The following SBSPON variants were observed in gnomAD, a reference collection of about 807,000 sequenced individuals.
The protein encoded by SBSPON is somatomedin-B and thrombospondin type-1 domain-containing protein.
In SBSPON, 30 loss-of-function variants were observed where a neutral mutation model predicts 35.8. The observed-to-expected ratio is 0.84, with a 90% CI of 0.63 to 1.14. The LOEUF is 1.14. SBSPON is among the 50% of genes most tolerant of loss of function. The pLI is 0.00. For synonymous variants in SBSPON, 136 were observed against 135.9 expected, an observed-to-expected ratio of 1.00 and a Z score of 0.00; for missense variants, 364 against 357.7, an observed-to-expected ratio of 1.02 and a Z score of -0.14.
At chr8:73,091,492 A>G (rs1320842893) in intron 1 of SBSPON, among the ~76,000 whole-genome samples, 2 of 152,104 alleles carry the variant, frequency 1.3e-5, no homozygotes, top group Admixed American at 6.5e-5. Flanking sequence ...TTCCATAATT[A>G]CCTTTAAAAT....
chr8:73,087,831 A>G (rs116273839), intron 1 of SBSPON, among the ~76,000 whole-genome samples: 1,618 of 152,320 alleles, frequency 0.011, 25 homozygotes, highest in African/African-American at 0.037. Context: ...TAATGCAACT[A>G]CTGTTCTATG....
chr8:73,084,810 T>C (rs1387837045), intron 1 of SBSPON, among the ~76,000 whole-genome samples: 11 of 150,112 alleles, frequency 7.3e-5, no homozygotes, highest in African/African-American at 2.5e-4. Context: ...TTATTTCCTC[T>C]CAGAGCTTGG....
intron 3 of SBSPON, among the ~76,000 whole-genome samples, chr8:73,071,306 G>T (rs906268669): frequency 6.6e-6 from 1 of 152,202 alleles, no homozygotes; most frequent in South Asian, 2.1e-4. Flanking sequence ...GTGGGGACCT[G>T]AGCGTGCAGC....
chr8:73,084,408 C>T (rs1231636073), intron 1 of SBSPON, among the ~76,000 whole-genome samples: 1 of 152,210 alleles, frequency 6.6e-6, no homozygotes, highest in African/African-American at 2.4e-5. Flanking sequence ...TAAACTCCCT[C>T]ATTTCCTTTG....
In SBSPON at chr8:73,070,640, G is replaced by A. The variant is rs73687077; in HGVS notation, c.501-659C>T. Among the ~76,000 whole-genome samples, 1,052 of 152,268 alleles carry A rather than the reference G, an allele frequency of 6.9e-3. 7 individuals are homozygous for A. Among genetic ancestry groups the A allele is most frequent in the African/African-American group, 0.023 (967 of 41,536 alleles). On this transcript the variant is annotated intron_variant, in intron 3 of 4. Transcript: ENST00000297354. The stretch of plus-strand genomic sequence containing the variant: ...TTAGTGTCACCTTAAACTGAGCTGC[G>A]GAAAACTCTAACATTATATGTGACT...
intron 3 of SBSPON, 63 bp from the exon 4 acceptor site, chr8:73,070,044 G>T: frequency 9.1e-7 from 1 of 1,103,388 alleles, no homozygotes; most frequent in Non-Finnish European, 1.3e-6. Flanking sequence ...GCTGTAGAAA[G>T]TCTTAGAAAG....
At chr8:73,080,942 A>ATATG (rs1220646682) in intron 2 of SBSPON, 77 bp downstream of exon 2, 3 of 1,330,242 alleles carry the variant, frequency 2.3e-6, no homozygotes, top group African/African-American at 1.5e-5. Context: ...CCTGCACAGC[A>ATATG]TATGGCCTTT....
intron 2 of SBSPON, chr8:73,074,469 G>T: frequency 5.9e-6 from 2 of 339,516 alleles, no homozygotes; most frequent in Non-Finnish European, 4.2e-6. Flanking sequence ...CCATTTCACA[G>T]ACAAGAAAAT....
chr8:73,075,794 A>G, intron 2 of SBSPON: 1 of 936,098 alleles, frequency 1.1e-6, no homozygotes, highest in Non-Finnish European at 1.3e-6. Flanking sequence ...ATATCTACCT[A>G]GAGGCATATG....
At chr8:73,089,159 C>T (rs1170757691) in intron 1 of SBSPON, among the ~76,000 whole-genome samples, 1 of 152,196 alleles carries the variant, frequency 6.6e-6, no homozygotes. Context: ...TCAGGTGAGA[C>T]TTTTGCCACC....
intron 1 of SBSPON, among the ~76,000 whole-genome samples, chr8:73,088,879 C>T (rs1426845931): frequency 1.3e-5 from 2 of 152,148 alleles, no homozygotes; most frequent in East Asian, 3.9e-4. Flanking sequence ...TTGGTGTTAG[C>T]TTGAGTAATG....
At chr8:73,069,692 C>T (rs1295628477) in intron 4 of SBSPON, 113 bp downstream of exon 4, 6 of 876,970 alleles carry the variant, frequency 6.8e-6, no homozygotes, top group East Asian at 2.5e-5. Context: ...ACTGTTTTGA[C>T]TTCCCAGTCA....
Position 73,064,656 on chromosome 8 carries a change from C to A in SBSPON, c.*2685G>T, listed in dbSNP as rs73687074. On this transcript the variant is annotated 3_prime_UTR_variant, in exon 5 of 5. Transcript: ENST00000297354. ...CAAACACTTTAAATTATTGCTGTTG[C>A]GGTTTATGCTTAATTGTAACATTCT... 1 of 152,112 alleles carries A rather than the reference C, an allele frequency of 6.6e-6. No homozygotes were observed. Among genetic ancestry groups the A allele is most frequent in the African/African-American group, 2.4e-5 (1 of 41,416 alleles). The allele number at this position is 152,112 out of a possible 1,614,324, so 9.4% of individuals were successfully genotyped here. A position where few individuals can be genotyped will look rare whatever the true frequency, so the allele number is the denominator to read the frequency against.
intron 4 of SBSPON, among the ~76,000 whole-genome samples, chr8:73,067,823 C>T (rs905975916): frequency 3.3e-5 from 5 of 149,404 alleles, no homozygotes; most frequent in African/African-American, 1.2e-4. Flanking sequence ...GGATTAGAAA[C>T]ATGACCCACT....
At chr8:73,082,279 C>CCAGAAGA (rs1810721935) in intron 1 of SBSPON, among the ~76,000 whole-genome samples, 1 of 152,142 alleles carries the variant, frequency 6.6e-6, no homozygotes, top group Non-Finnish European at 1.5e-5. Context: ...AAGGAAAGAA[C>CCAGAAGA]CAGAAGACAG....
In SBSPON at chr8:73,065,793, T is replaced by G. The variant is rs1238300566; in HGVS notation, c.*1548A>C. 1 of 151,972 alleles carries G rather than the reference T, an allele frequency of 6.6e-6. No homozygotes were observed. 9.4% of individuals were successfully genotyped at this position (151,972 alleles called of 1,614,324 possible). A position where few individuals can be genotyped will look rare whatever the true frequency, so the allele number is the denominator to read the frequency against. On this transcript the variant is annotated 3_prime_UTR_variant, in exon 5 of 5. Transcript: ENST00000297354. ...GACTCTGTCTCAAAGAAAAAAAAAC[T>G]TTTAAGTAACATTGGAAATTACCCA...
chr8:73,087,930 C>T (rs2130039962), intron 1 of SBSPON, among the ~76,000 whole-genome samples: 1 of 152,346 alleles, frequency 6.6e-6, no homozygotes, highest in South Asian at 2.1e-4. Context: ...CCAAGAAGTT[C>T]TTCCAGGGCA....
At chr8:73,084,425 A>G (rs745643027) in intron 1 of SBSPON, among the ~76,000 whole-genome samples, 8 of 152,190 alleles carry the variant, frequency 5.3e-5, no homozygotes, top group Non-Finnish European at 1.2e-4. Flanking sequence ...TTTGGATTTC[A>G]TCTGACATCT....
intron 1 of SBSPON, among the ~76,000 whole-genome samples, chr8:73,092,637 T>G (rs1810957383): frequency 1.3e-5 from 2 of 150,100 alleles, no homozygotes; most frequent in Non-Finnish European, 3.0e-5. Flanking sequence ...TGGTCTGTCT[T>G]GGGGGTGGGG....
Sources: gnomAD v4.1 joint callset for allele counts (sites outside exome capture counted in the v4.1 genomes callset) on GRCh38, gnomAD v4.1.1 for gene constraint, MANE v1.5 for transcripts, NCBI Gene and HGNC (gene_info 2026-07-23, HGNC 2026-07-21) for gene names.